The following DENND4C variants were observed in gnomAD, a reference collection of about 807,000 sequenced individuals.
DENND4C encodes DENN domain-containing protein 4C.
A neutral mutation model predicts 203.0 loss-of-function variants in DENND4C; 108 were observed. The ratio of observed to expected loss-of-function variants is 0.53; its 90% CI spans 0.46 to 0.62. The LOEUF is 0.62. Ranked by LOEUF, DENND4C falls within the 20% of genes least tolerant of loss-of-function variation. The pLI is 0.00. For missense variants in DENND4C, 2,481 were observed against 2,301.2 expected (o/e 1.08, Z -1.60); for synonymous variants, 871 against 792.4 (o/e 1.10, Z -1.67).
intron 30 of DENND4C, among the ~76,000 whole-genome samples, chr9:19,366,833 A>G (rs1051685635): frequency 3.9e-5 from 6 of 152,210 alleles, no homozygotes; most frequent in Admixed American, 1.3e-4. Flanking sequence ...AAGCACAATC[A>G]ACAAAAGAAA....
rs73435132 is a variant in DENND4C at position 19,316,299 on chromosome 9, T to G, written c.1488-118T>G. On this transcript the variant is annotated intron_variant, in intron 10 of 32. Transcript: ENST00000434457. The stretch of plus-strand genomic sequence containing the variant: ...CACTTATTCAAATTGTTTGCATCAG[T>G]TAAGACTGTAGTAAAAACATCTTTT... The G allele has an allele frequency of 4.7e-3, 3,405 of 723,632 alleles. 79 individuals are homozygous for G. The African/African-American group carries it at 0.054, about 11-fold the overall frequency. 44.8% of individuals were successfully genotyped at this position (723,632 alleles called of 1,614,324 possible). A position where few individuals can be genotyped will look rare whatever the true frequency, so the allele number is the denominator to read the frequency against.
chr9:19,239,796 C>G (rs1823229918), intron 1 of DENND4C, among the ~76,000 whole-genome samples: 1 of 152,020 alleles, frequency 6.6e-6, no homozygotes, highest in South Asian at 2.1e-4. Context: ...AATTTATATT[C>G]TTTAAAATAT....
intron 17 of DENND4C, among the ~76,000 whole-genome samples, chr9:19,333,201 G>T (rs550989398): frequency 6.6e-6 from 1 of 151,524 alleles, no homozygotes; most frequent in East Asian, 2.0e-4. Flanking sequence ...ATTTTTTGTA[G>T]AGATGGGGTC....
At chr9:19,330,389 G>C (rs576368986) in intron 16 of DENND4C, among the ~76,000 whole-genome samples, 106 of 140,564 alleles carry the variant, frequency 7.5e-4, no homozygotes, top group African/African-American at 2.7e-3. Flanking sequence ...ATCCAGGCTG[G>C]AGTGCAGTGG....
chr9:19,307,272 G>A (rs1459885031), intron 10 of DENND4C, among the ~76,000 whole-genome samples: 1 of 151,388 alleles, frequency 6.6e-6, no homozygotes, highest in East Asian at 1.9e-4. Flanking sequence ...GTGCGTGCCT[G>A]TAGTCCCAGC....
intron 1 of DENND4C, among the ~76,000 whole-genome samples, chr9:19,232,565 G>C (rs1820849073): frequency 6.6e-6 from 1 of 152,192 alleles, no homozygotes; most frequent in Non-Finnish European, 1.5e-5. Flanking sequence ...ATTTAGTCCT[G>C]TATGCTTTGT....
chr9:19,292,067 C>T (rs1836441589), intron 5 of DENND4C, among the ~76,000 whole-genome samples: 1 of 152,106 alleles, frequency 6.6e-6, no homozygotes, highest in African/African-American at 2.4e-5. Flanking sequence ...TCTTGTTGCC[C>T]AGGCTGGAGT....
intron 25 of DENND4C, 88 bp from the exon 26 acceptor site, chr9:19,352,402 A>G: frequency 2.3e-6 from 3 of 1,331,222 alleles, no homozygotes; most frequent in East Asian, 2.4e-5. Context: ...GATCAGTAGA[A>G]TAAAAAAAAT....
At chr9:19,252,059 G>A (rs545824449) in intron 1 of DENND4C, among the ~76,000 whole-genome samples, 3 of 152,200 alleles carry the variant, frequency 2.0e-5, no homozygotes, top group Admixed American at 6.5e-5. Context: ...CTGTTCTCAC[G>A]CTGCTAATAA....
At chr9:19,305,601 C>A in intron 10 of DENND4C, 74 bp downstream of exon 10, 1 of 1,399,696 alleles carries the variant, frequency 7.1e-7, no homozygotes, top group Non-Finnish European at 9.7e-7. Context: ...TTGAAAGCAT[C>A]TAGAAATATG....
intron 30 of DENND4C, among the ~76,000 whole-genome samples, chr9:19,365,309 A>G (rs1827408630): frequency 6.6e-6 from 1 of 152,208 alleles, no homozygotes; most frequent in African/African-American, 2.4e-5. Flanking sequence ...TCACGTGATC[A>G]TCTCAGGAGG....
chr9:19,255,052 G>A (rs982089634), intron 1 of DENND4C, among the ~76,000 whole-genome samples: 3 of 152,202 alleles, frequency 2.0e-5, no homozygotes, highest in Admixed American at 2.0e-4. Flanking sequence ...ACTGAGGCAG[G>A]AGAGTCACTT....
At chr9:19,291,378 C>G (rs1836259620) in intron 5 of DENND4C, 1 of 153,114 alleles carries the variant, frequency 6.5e-6, no homozygotes, top group Admixed American at 6.5e-5. Flanking sequence ...AAATATGGTC[C>G]TTAAAATTAA....
intron 1 of DENND4C, among the ~76,000 whole-genome samples, chr9:19,242,443 C>G (rs10738530): frequency 0.81 from 123,249 of 152,130 alleles, 50,336 homozygotes; most frequent in Admixed American, 0.87. Flanking sequence ...AATACCTCAG[C>G]AATGTGATTG....
At position 19,276,300 on chromosome 9, in the gene DENND4C, A is replaced by C. The variant is rs1343878881; in HGVS notation, c.126A>C (p.Pro42=). 2 of 1,231,998 alleles carry C rather than the reference A, an allele frequency of 1.6e-6. No individual in the cohort carries two copies. The highest frequency in any genetic ancestry group is 2.0e-6 in the Non-Finnish European group (2 of 987,940). 76.3% of individuals were successfully genotyped at this position (1,231,998 alleles called of 1,614,324 possible). ...LDTKSTGPKA[P]ITDIAIIIKS... ...CTAAGTCAACTGGACCTAAAGCTCC[A>C]ATTACAGACATTGCCATTATTATCA... Residue 42 remains proline, a synonymous_variant, in exon 2 of 33, where the codon CCA becomes CCC. Coordinates refer to ENST00000434457, the MANE Select transcript of DENND4C (RefSeq NM_001330640.2).
At chr9:19,365,930 G>A (rs2132285138) in intron 30 of DENND4C, among the ~76,000 whole-genome samples, 1 of 152,162 alleles carries the variant, frequency 6.6e-6, no homozygotes, top group Non-Finnish European at 1.5e-5. Flanking sequence ...TAAAGAATAA[G>A]TAAATGGAAA....
intron 2 of DENND4C, among the ~76,000 whole-genome samples, chr9:19,280,344 A>C (rs1833805730): frequency 6.6e-6 from 1 of 151,970 alleles, no homozygotes; most frequent in Admixed American, 6.6e-5. Flanking sequence ...ACGGGGTTTC[A>C]CCATGTTGGC....
rs572710726 is a variant in DENND4C, at chr9:19,244,095, A to G, written c.-18+13262A>G. On this transcript the variant is annotated intron_variant, in intron 1 of 32. Coordinates refer to ENST00000434457, the MANE Select transcript of DENND4C (RefSeq NM_001330640.2). ...GCCCAGGCTGAAGTGCAGTGGCGCAATCTCGGCTCACTGCCGCCTCCGCCT... is the reference window on the plus strand; with the variant it reads ...GCCCAGGCTGAAGTGCAGTGGCGCAGTCTCGGCTCACTGCCGCCTCCGCCT... 1.9e-3 allele frequency among the ~76,000 whole-genome samples: 293 copies of G among 152,202 alleles called. 2 individuals carry two copies. The highest frequency in any genetic ancestry group is 5.1e-3 in the African/African-American group (210 of 41,532).
intron 20 of DENND4C, among the ~76,000 whole-genome samples, chr9:19,338,095 T>C (rs867049890): frequency 3.3e-5 from 5 of 152,158 alleles, no homozygotes; most frequent in Admixed American, 2.6e-4. Flanking sequence ...AACATAAAGC[T>C]ACAGGTTACA....
Sources: gnomAD v4.1 joint callset for allele counts (sites outside exome capture counted in the v4.1 genomes callset) on GRCh38, gnomAD v4.1.1 for gene constraint, MANE v1.5 for transcripts, NCBI Gene and HGNC (gene_info 2026-07-23, HGNC 2026-07-21) for gene names.